ACTN2: variants seen among roughly 807,000 people sequenced by gnomAD.
ACTN2 encodes actinin alpha 2, also known as alpha-actinin-2.
In ACTN2, 39 loss-of-function variants were observed where a neutral mutation model predicts 113.8. The observed-to-expected ratio is 0.34, with a 90% confidence interval of 0.27 to 0.45. The LOEUF (loss-of-function observed/expected upper bound fraction) is 0.45. Ranked by LOEUF, ACTN2 falls within the 20% of genes least tolerant of loss-of-function variation. The pLI is 1.00. For missense variants in ACTN2, 992 were observed against 1,177.9 expected (o/e 0.84, Z 2.31); for synonymous variants, 429 against 444.1 (o/e 0.97, Z 0.43).
rs1060503685 is a variant in ACTN2, at chr1:236,749,209, G to T, written c.1601G>T (p.Gly534Val). The stretch of plus-strand genomic sequence containing the variant: ...GCTCCTTTCAACAATTGGATGGAGG[G>T]CGCTATGGAGGATCTGCAAGATATG... ...RAAPFNNWME[G>V]AMEDLQDMFI... Residue 534 changes from glycine to valine, a missense_variant, in exon 14 of 21, where the codon GGC (glycine) becomes GTC (valine). Coordinates refer to ENST00000366578, the MANE Select transcript of ACTN2 (RefSeq NM_001103.4). The T allele has an allele frequency of 1.4e-5, 23 of 1,614,172 alleles. No individual in the cohort carries two copies. The highest frequency in any genetic ancestry group is 1.9e-5 in the Non-Finnish European group (23 of 1,180,028).
rs1659485668 is a variant in ACTN2 at position 236,754,211 on chromosome 1, T to C, written c.1974+130T>C. The stretch of plus-strand genomic sequence containing the variant: ...GTCAGGTGGGAGCACCGTTCTGTTA[T>C]CACCCCGGCTTTATCTTTCAGCCCC... On this transcript the variant is annotated intron_variant, in intron 16 of 20. Coordinates refer to ENST00000366578, the MANE Select transcript of ACTN2 (RefSeq NM_001103.4). This position sits in a 1 kb window ranked among gnomAD's most constrained non-coding sequence, Gnocchi z 4.9. 8.1e-7 allele frequency: 1 copy of C among 1,241,568 alleles called. No individual in the cohort carries two copies. The highest frequency in any genetic ancestry group is 1.1e-6 in the Non-Finnish European group (1 of 871,024). The allele number at this position is 1,241,568 out of a possible 1,614,324, so 76.9% of individuals were successfully genotyped here.
chr1:236,700,521 G>A (rs1035204198), intron 1 of ACTN2, among the ~76,000 whole-genome samples: 6 of 152,196 alleles, frequency 3.9e-5, no homozygotes, highest in Non-Finnish European at 4.4e-5. Flanking sequence ...GTGAGGCACA[G>A]CCCTCTCCTC....
At chr1:236,708,177 T>C (rs1049625195) in intron 1 of ACTN2, among the ~76,000 whole-genome samples, 3 of 152,062 alleles carry the variant, frequency 2.0e-5, no homozygotes, top group Non-Finnish European at 4.4e-5. Flanking sequence ...AACAGGACCT[T>C]GGAGACCAAG....
At chr1:236,693,770 T>TC (rs1371541914) in intron 1 of ACTN2, among the ~76,000 whole-genome samples, 1 of 152,126 alleles carries the variant, frequency 6.6e-6, no homozygotes, top group Non-Finnish European at 1.5e-5. Flanking sequence ...CTGGCTTTTC[T>TC]CCAAGATGCT....
chr1:236,755,952 C>T (rs71532033), intron 17 of ACTN2, among the ~76,000 whole-genome samples: 46 of 20,402 alleles, frequency 2.3e-3, no homozygotes, highest in African/African-American at 5.7e-3. Flanking sequence ...CCGCTGCCAC[C>T]GTTAGAACCC....
In ACTN2 at chr1:236,762,725, A is replaced by AG. The variant is rs199921605; in HGVS notation, c.*110dup. ...AGCTTTATTAAGTTGAGAGAGAGAG[A>AG]GGGGAAAAAAAAAAGCCTTTCGTAG... On this transcript the variant is annotated 3_prime_UTR_variant, in exon 21 of 21. Transcript: ENST00000366578. 385 of 1,226,296 alleles carry AG rather than the reference A, an allele frequency of 3.1e-4. No homozygotes were observed. Among genetic ancestry groups the AG allele is most frequent in the Non-Finnish European group, 4.1e-4 (363 of 884,410 alleles). 76.0% of individuals were successfully genotyped at this position (1,226,296 alleles called of 1,614,324 possible).
At chr1:236,721,791 T>C (rs962342873) in intron 4 of ACTN2, among the ~76,000 whole-genome samples, 1 of 152,226 alleles carries the variant, frequency 6.6e-6, no homozygotes, top group Admixed American at 6.5e-5. Flanking sequence ...GCAAATCCTT[T>C]TTCCACAAAT....
chr1:236,735,643 A>G lies in ACTN2; in HGVS notation c.706A>G (p.Asn236Asp), dbSNP rs1193355360. ...PKMLDAEDIV[N>D]TPKPDERAIM... The stretch of plus-strand genomic sequence containing the variant: ...ATTTTCTCCCCCTTCAGACATCGTG[A>G]ACACCCCTAAACCCGATGAAAGAGC... The change falls in exon 8 of 21, where the codon AAC (asparagine) becomes GAC (aspartate). Residue 236 changes from asparagine (N) to aspartate (D), a missense_variant. By Grantham distance (23) the Asn-to-Asp change is conservative. This residue lies in a region of ACTN2 where 220 missense variants were observed against 337.5 expected (regional missense o/e 0.65). Coordinates refer to ENST00000366578, the MANE Select transcript of ACTN2 (RefSeq NM_001103.4). 3.1e-6 allele frequency: 5 copies of G among 1,613,934 alleles called. No homozygotes were observed. Among genetic ancestry groups the G allele is most frequent in the Non-Finnish European group, 4.2e-6 (5 of 1,179,986 alleles).
At chr1:236,744,482 C>A in intron 11 of ACTN2, 144 bp from the exon 12 acceptor site, 3 of 1,001,524 alleles carry the variant, frequency 3.0e-6, no homozygotes, top group South Asian at 1.4e-5. Context: ...TCCATCACAA[C>A]CCTGGCCTGC....
chr1:236,719,220 C>A (rs953126488), intron 3 of ACTN2, among the ~76,000 whole-genome samples: 2 of 152,186 alleles, frequency 1.3e-5, no homozygotes, highest in Non-Finnish European at 2.9e-5. Context: ...CTTTGTAAAG[C>A]ATAGAATTAA....
rs1384783399 is a variant in ACTN2 at position 236,749,197 on chromosome 1, A to G, written c.1589A>G (p.Asn530Ser). The change falls in exon 14 of 21, where the codon AAT becomes AGT. Residue 530 changes from asparagine to serine, a missense_variant. By Grantham distance (46) the Asn-to-Ser change is conservative. Transcript: ENST00000366578. Reference sequence around the variant, plus strand: ...GCCAAGAGGGCTGCTCCTTTCAACAATTGGATGGAGGGCGCTATGGAGGAT... The same window carrying G: ...GCCAAGAGGGCTGCTCCTTTCAACAGTTGGATGGAGGGCGCTATGGAGGAT... Reference protein sequence around the residue: ...EFAKRAAPFNNWMEGAMEDLQ... With the variant: ...EFAKRAAPFNSWMEGAMEDLQ... 19 of 1,613,964 alleles carry G rather than the reference A, an allele frequency of 1.2e-5. No individual in the cohort carries two copies. Among genetic ancestry groups the G allele is most frequent in the African/African-American group, 5.3e-5 (4 of 74,896 alleles).
chr1:236,699,971 C>A (rs554311194), intron 1 of ACTN2, among the ~76,000 whole-genome samples: 1 of 152,094 alleles, frequency 6.6e-6, no homozygotes, highest in South Asian at 2.1e-4. Context: ...GTTGCTTTAC[C>A]CTGTTTCAAA....
intron 7 of ACTN2, 66 bp from the exon 8 acceptor site, chr1:236,735,569 T>G: frequency 7.2e-7 from 1 of 1,398,200 alleles, no homozygotes; most frequent in South Asian, 1.2e-5. Flanking sequence ...CTGGTTTCTC[T>G]CCTTCGTCTG....
intron 7 of ACTN2, 26 bp from the exon 8 acceptor site, chr1:236,735,609 T>C (rs1658846751): frequency 6.3e-7 from 1 of 1,590,232 alleles, no homozygotes; most frequent in Middle Eastern, 1.7e-4. Context: ...TGTGCGCGCG[T>C]CCTGTGTTAT....
intron 8 of ACTN2, among the ~76,000 whole-genome samples, chr1:236,736,125 C>CT (rs1486524280): frequency 3.3e-5 from 5 of 152,188 alleles, no homozygotes; most frequent in African/African-American, 1.2e-4. Context: ...GTGATTTGGT[C>CT]TAACATCCTT....
At chr1:236,700,039 T>C (rs2102868800) in intron 1 of ACTN2, among the ~76,000 whole-genome samples, 1 of 152,290 alleles carries the variant, frequency 6.6e-6, no homozygotes, top group Non-Finnish European at 1.5e-5. Flanking sequence ...CTAGGTCTGC[T>C]TCACCTGTAC....
intron 8 of ACTN2, chr1:236,736,554 C>T: frequency 6.7e-7 from 1 of 1,497,558 alleles, no homozygotes; most frequent in Non-Finnish European, 9.0e-7. Flanking sequence ...GACTTCTCAT[C>T]TAGGTTAGAC....
intron 20 of ACTN2, 151 bp from the exon 21 acceptor site, chr1:236,762,310 G>A: frequency 9.4e-7 from 1 of 1,068,568 alleles, no homozygotes; most frequent in Admixed American, 2.0e-5. Flanking sequence ...TTGGCTTTCT[G>A]TTGGTTGTCT....
At chr1:236,760,989 C>G in intron 19 of ACTN2, 26 bp from the exon 20 acceptor site, 2 of 1,614,136 alleles carry the variant, frequency 1.2e-6, no homozygotes, top group Non-Finnish European at 1.7e-6. Flanking sequence ...CGTTCGTGTA[C>G]ATGTTTCTTT....
Sources: gnomAD v4.1 joint callset for allele counts (sites outside exome capture counted in the v4.1 genomes callset) on GRCh38, gnomAD v4.1.1 for gene constraint, gnomAD v4.1.1 regional missense constraint, Gnocchi (gnomAD v3.1) non-coding constraint, MANE v1.5 for transcripts, NCBI Gene and HGNC (gene_info 2026-07-23, HGNC 2026-07-21) for gene names.